DCC: variants seen among roughly 807,000 people sequenced by gnomAD.
DCC encodes the protein netrin receptor DCC.
Under a neutral mutation model 172.5 loss-of-function variants are expected in DCC, and 58 were observed. The ratio of observed to expected loss-of-function variants is 0.34; its 90% CI spans 0.27 to 0.42. The LOEUF (loss-of-function observed/expected upper bound fraction) is 0.42, where lower values mean the gene tolerates loss of function less well. Ranked by LOEUF, DCC falls within the 10% of genes least tolerant of loss-of-function variation. The pLI is 1.00. For missense variants in DCC, 1,740 were observed against 1,791.0 expected, an observed-to-expected ratio of 0.97 and a Z score of 0.51; for synonymous variants, 709 against 644.5, an observed-to-expected ratio of 1.10 and a Z score of -1.52.
intron 27 of DCC, among the ~76,000 whole-genome samples, chr18:53,504,482 C>CTAAGT (rs2046144739): frequency 6.6e-6 from 1 of 152,180 alleles, no homozygotes; most frequent in Admixed American, 6.5e-5. Flanking sequence ...TACACTACAT[C>CTAAGT]TAAGTTTCAT....
chr18:52,897,076 G>C (rs1331095025), intron 2 of DCC, among the ~76,000 whole-genome samples: 2 of 152,198 alleles, frequency 1.3e-5, no homozygotes, highest in Admixed American at 1.3e-4. Context: ...TCTTAGGTGA[G>C]ATTATGATAG....
intron 3 of DCC, among the ~76,000 whole-genome samples, chr18:52,922,837 T>C (rs998178858): frequency 6.6e-6 from 1 of 152,126 alleles, no homozygotes; most frequent in Admixed American, 6.6e-5. Context: ...GCAAGCCTAC[T>C]TGAGCATTGC....
At chr18:53,341,879 T>C (rs1250570518) in intron 15 of DCC, among the ~76,000 whole-genome samples, 1 of 152,122 alleles carries the variant, frequency 6.6e-6, no homozygotes, top group Non-Finnish European at 1.5e-5. Flanking sequence ...CATAGTAACT[T>C]TTTGAGAAGG....
chr18:52,794,109 C>T (rs975800148), intron 2 of DCC, among the ~76,000 whole-genome samples: 4 of 152,050 alleles, frequency 2.6e-5, no homozygotes, highest in African/African-American at 4.8e-5. Flanking sequence ...CCATTTTGCT[C>T]AGTATTGCTT....
At position 52,853,725 on chromosome 18, in the gene DCC, C is replaced by G. The variant is rs115193348; in HGVS notation, c.413-52319C>G. Among the ~76,000 whole-genome samples the G allele has an allele frequency of 2.2e-3, 335 of 152,310 alleles. 2 individuals carry two copies. Among genetic ancestry groups the G allele is most frequent in the African/African-American group, 7.7e-3 (319 of 41,554 alleles). On this transcript the variant is annotated intron_variant, in intron 2 of 28. Transcript: ENST00000442544. ...GTCTAATGTTTCACTACTTCAGGCTCTCACTGTTCCTAGGTCAGGGACCAA... is the reference window on the plus strand; with the variant it reads ...GTCTAATGTTTCACTACTTCAGGCTGTCACTGTTCCTAGGTCAGGGACCAA...
chr18:53,076,168 T>C (rs2042722691), intron 7 of DCC, among the ~76,000 whole-genome samples: 1 of 152,166 alleles, frequency 6.6e-6, no homozygotes, highest in Admixed American at 6.5e-5. Flanking sequence ...AGACGTATGA[T>C]ACAACAAGGC....
At chr18:52,925,411 A>G (rs2145488683) in intron 5 of DCC, 41 bp downstream of exon 5, 2 of 1,594,316 alleles carry the variant, frequency 1.3e-6, no homozygotes, top group Non-Finnish European at 1.7e-6. Flanking sequence ...TGTACCTTTC[A>G]AAGTATATCA....
Position 53,450,461 on chromosome 18 carries a change from C to G in DCC, c.3230-39C>G, listed in dbSNP as rs144658330. Reference sequence around the variant, plus strand: ...GAGCTTGGTAAAACTTCTGCCACATCTTCCTAAACCTGAACTCCATTTTCC... The same window carrying G: ...GAGCTTGGTAAAACTTCTGCCACATGTTCCTAAACCTGAACTCCATTTTCC... On this transcript the variant is annotated intron_variant, in intron 22 of 28. Coordinates refer to ENST00000442544, the MANE Select transcript of DCC (RefSeq NM_005215.4). 6.6e-5 allele frequency: 107 copies of G among 1,611,662 alleles called. 1 individual carries two copies. The African/African-American group carries it at 1.0e-3, about 16-fold the overall frequency.
chr18:53,049,340 C>A (rs775104523), intron 5 of DCC, among the ~76,000 whole-genome samples: 1 of 152,050 alleles, frequency 6.6e-6, no homozygotes, highest in East Asian at 1.9e-4. Context: ...AGTCTTTAAT[C>A]CATCTTGAGT....
intron 1 of DCC, among the ~76,000 whole-genome samples, chr18:52,672,930 G>T (rs947416203): frequency 6.6e-6 from 1 of 152,136 alleles, no homozygotes; most frequent in Admixed American, 6.5e-5. Flanking sequence ...TGAATATGGT[G>T]ATGGTCACCT....
intron 1 of DCC, among the ~76,000 whole-genome samples, chr18:52,534,709 G>C (rs549235052): frequency 6.6e-6 from 1 of 152,172 alleles, no homozygotes; most frequent in East Asian, 1.9e-4. Context: ...ATTTTCTCTG[G>C]ATCCTAATTA....
intron 1 of DCC, among the ~76,000 whole-genome samples, chr18:52,655,065 C>CT (rs2035219544): frequency 6.6e-6 from 1 of 150,760 alleles, no homozygotes; most frequent in African/African-American, 2.4e-5. Context: ...TGAAACTGCA[C>CT]CTTTTTACAT....
chr18:53,497,960 T>C (rs537439262), intron 26 of DCC, among the ~76,000 whole-genome samples: 2 of 152,200 alleles, frequency 1.3e-5, no homozygotes, highest in African/African-American at 2.4e-5. Context: ...TGCCTGTATT[T>C]TGGCTCTGAT....
intron 18 of DCC, among the ~76,000 whole-genome samples, chr18:53,401,490 T>A (rs1316330289): frequency 6.6e-6 from 1 of 152,200 alleles, no homozygotes; most frequent in Admixed American, 6.5e-5. Flanking sequence ...TCTATTTGGC[T>A]CATATTTGGA....
At chr18:52,617,092 G>T (rs929368716) in intron 1 of DCC, among the ~76,000 whole-genome samples, 1 of 152,088 alleles carries the variant, frequency 6.6e-6, no homozygotes, top group African/African-American at 2.4e-5. Flanking sequence ...ATCCGACGAA[G>T]GTGTACTGTC....
chr18:53,424,320 A>T, intron 21 of DCC, among the ~76,000 whole-genome samples: 1 of 152,220 alleles, frequency 6.6e-6, no homozygotes, highest in East Asian at 1.9e-4. Flanking sequence ...CTCACTTTTG[A>T]TAACTTGTGG....
intron 1 of DCC, among the ~76,000 whole-genome samples, chr18:52,623,470 A>G (rs1422162220): frequency 6.6e-6 from 1 of 152,106 alleles, no homozygotes; most frequent in Non-Finnish European, 1.5e-5. Flanking sequence ...TTTTGTTTCT[A>G]AAGTGTGGGG....
At chr18:53,229,162 G>A (rs2056085480) in intron 12 of DCC, among the ~76,000 whole-genome samples, 1 of 152,036 alleles carries the variant, frequency 6.6e-6, no homozygotes, top group Non-Finnish European at 1.5e-5. Flanking sequence ...TAAATAAAAG[G>A]TTTCCACACT....
At chr18:52,505,400 G>A (rs1307089970) in intron 1 of DCC, among the ~76,000 whole-genome samples, 1 of 152,166 alleles carries the variant, frequency 6.6e-6, no homozygotes, top group African/African-American at 2.4e-5. Context: ...CATGGCTACA[G>A]AATAGTTAAG....
Sources: allele counts gnomAD v4.1 joint callset (sites outside exome capture counted in the v4.1 genomes callset), GRCh38; gene constraint gnomAD v4.1.1; transcripts MANE v1.5; gene names NCBI Gene and HGNC (gene_info 2026-07-23, HGNC 2026-07-21).